Variants in ITFG2 observed in about 807,000 individuals in gnomAD.
The protein encoded by ITFG2 is KICSTOR complex protein ITFG2.
ITFG2 carries 36 observed loss-of-function variants against 54.4 expected under a neutral mutation model. The ratio of observed to expected loss-of-function variants is 0.66; its 90% CI spans 0.51 to 0.87. The LOEUF is 0.87. ITFG2 is among the 40% of genes least tolerant of loss of function. ITFG2 has a pLI of 0.00. For synonymous variants in ITFG2, 211 were observed against 225.4 expected, an observed-to-expected ratio of 0.94 and a Z score of 0.57; for missense variants, 524 against 576.7, an observed-to-expected ratio of 0.91 and a Z score of 0.94.
chr12:2,812,778 C>A lies in ITFG2; in HGVS notation c.18C>A (p.Tyr6Ter). 1 of 1,611,484 alleles carries A rather than the reference C, an allele frequency of 6.2e-7. No individual in the cohort carries two copies. The highest frequency in any genetic ancestry group is 8.5e-7 in the Non-Finnish European group (1 of 1,177,764). Residue 6 changes from tyrosine (Y) to a stop codon, truncating the protein, a stop_gained, in exon 1 of 12, where the codon TAC becomes TAA. Transcript: ENST00000228799. LOFTEE classifies it high-confidence loss of function. MRSVS[Y>*]VQRVALEFSG... is the part of the protein sequence containing the mutation. ...GAGGTGCCATGAGGTCAGTTAGCTA[C>A]GTGCAGCGCGTGGCGCTGGAGTTCA...
At chr12:2,819,955 AG>A in intron 4 of ITFG2, 130 bp from the exon 5 acceptor site, 3 of 1,185,160 alleles carry the variant, frequency 2.5e-6, no homozygotes, top group Non-Finnish European at 3.4e-6. Flanking sequence ...GGGCGGGGGC[AG>A]ACTGAGGGTG....
downstream of ITFG2, chr12:2,827,204 C>T (rs1460401692): frequency 2.5e-6 from 4 of 1,614,080 alleles, no homozygotes; most frequent in Non-Finnish European, 3.4e-6. This position sits in a 1 kb window ranked among gnomAD's most constrained non-coding sequence, Gnocchi z 4.0. Context: ...ACTGAGACAG[C>T]AGTCACTGGC....
exon 4 of ITFG2, chr12:2,859,620 C>T (rs763608696): frequency 7.9e-5 from 127 of 1,612,280 alleles, no homozygotes; most frequent in Admixed American, 1.3e-4. Flanking sequence ...TTTCCCTGGT[C>T]CTGCAGAAGA....
chr12:2,851,117 C>T (rs1270098180), intron 2 of ITFG2, among the ~76,000 whole-genome samples: 3 of 149,696 alleles, frequency 2.0e-5, no homozygotes, highest in Non-Finnish European at 4.4e-5. Context: ...GTGCCGAGAT[C>T]ATACCATTGC....
intron 9 of ITFG2, 126 bp downstream of exon 9, chr12:2,821,918 T>C: frequency 2.7e-6 from 1 of 375,288 alleles, no homozygotes; most frequent in Non-Finnish European, 4.6e-6. Context: ...TCTCTGTCTC[T>C]TTTTTTTTTT....
At chr12:2,822,618 C>G (rs1374068307) in intron 9 of ITFG2, among the ~76,000 whole-genome samples, 176 bp from the exon 10 acceptor site, 1 of 152,094 alleles carries the variant, frequency 6.6e-6, no homozygotes, top group Non-Finnish European at 1.5e-5. Flanking sequence ...CTGAGGTTTC[C>G]TCAGTATAAA....
exon 4 of ITFG2, chr12:2,859,558 T>C: frequency 6.2e-7 from 1 of 1,614,058 alleles, no homozygotes; most frequent in Non-Finnish European, 8.5e-7. Context: ...TCCTTGATAG[T>C]CTGAACTGGA....
At position 2,821,676 on chromosome 12, in the gene ITFG2, G is replaced by C; in HGVS notation, c.848-16G>C. ...GGCCTATCCCACCCACACTCAGCCT[G>C]CCTCTCCCCCGGCAGGGACACTGAA... On this transcript the variant is annotated splice_polypyrimidine_tract_variant and intron_variant, in intron 8 of 11. Transcript: ENST00000228799. 6.2e-7 allele frequency: 1 copy of C among 1,613,956 alleles called. No homozygotes were observed. The highest frequency in any genetic ancestry group is 8.5e-7 in the Non-Finnish European group (1 of 1,179,860).
chr12:2,834,742 T>C (rs778414140), upstream of ITFG2: 29 of 1,614,014 alleles, frequency 1.8e-5, no homozygotes, highest in Non-Finnish European at 2.5e-5. Context: ...CCGGCGCTGC[T>C]GGCTCAGGTG....
At chr12:2,828,775 G>A (rs945252448), downstream of ITFG2, among the ~76,000 whole-genome samples, 1 of 152,190 alleles carries the variant, frequency 6.6e-6, no homozygotes, top group Non-Finnish European at 1.5e-5. Context: ...CCGAGAGGCG[G>A]AGGTTGTGGT....
At chr12:2,828,006 G>A (rs562556400), downstream of ITFG2, 11 of 1,614,194 alleles carry the variant, frequency 6.8e-6, no homozygotes, top group Non-Finnish European at 9.3e-6. Context: ...GGGCCCAGGG[G>A]CCAGGTCCCC....
At chr12:2,834,864 G>T (rs760370867), upstream of ITFG2, 2 of 1,613,802 alleles carry the variant, frequency 1.2e-6, no homozygotes, top group Non-Finnish European at 1.7e-6. Context: ...GCCAGGGGCT[G>T]CTCGGTGGGG....
At chr12:2,850,444 C>T (rs2098066312) in intron 2 of ITFG2, among the ~76,000 whole-genome samples, 1 of 144,148 alleles carries the variant, frequency 6.9e-6, no homozygotes, top group Admixed American at 7.1e-5. Flanking sequence ...TGCCACTGCA[C>T]TCCAGCCTGG....
rs897063632 is a variant in ITFG2 at position 2,821,267 on chromosome 12, C to A, written c.701C>A (p.Thr234Asn). Residue 234 changes from threonine (T) to asparagine (N), a missense_variant, in exon 7 of 12, where the codon ACC becomes AAC. Coordinates refer to ENST00000228799, the MANE Select transcript of ITFG2 (RefSeq NM_018463.4). ...CGTCCACCTGCTGTGCACAGGGAGA[C>A]CCCAGCTGCCCGAGACGTGGTGCTG... is the stretch of plus-strand genomic sequence containing the variant. Reference protein sequence around the residue: ...SEGPTDGSRETPAARDVVLHQ... With the variant: ...SEGPTDGSRENPAARDVVLHQ... 2 of 1,605,610 alleles carry A rather than the reference C, an allele frequency of 1.2e-6. No homozygotes were observed.
At chr12:2,842,167 G>T (rs1481204957) in intron 2 of ITFG2, among the ~76,000 whole-genome samples, 1 of 129,216 alleles carries the variant, frequency 7.7e-6, no homozygotes, top group Non-Finnish European at 1.6e-5. Flanking sequence ...TGTTGCCCAG[G>T]CTGGAGTGCT....
exon 3 of ITFG2, chr12:2,830,835 C>T (rs1456072196): frequency 5.0e-6 from 8 of 1,613,406 alleles, no homozygotes; most frequent in East Asian, 2.2e-5. Flanking sequence ...CTCCACCAGG[C>T]GTCTTTGGAT....
intron 2 of ITFG2, among the ~76,000 whole-genome samples, chr12:2,853,745 G>C (rs1005669423): frequency 2.6e-4 from 40 of 152,104 alleles, no homozygotes; most frequent in African/African-American, 8.9e-4. Flanking sequence ...CATGCGTAGT[G>C]CCTGGGCTGG....
rs2097944499 is a variant in ITFG2, at chr12:2,821,528, C to G, written c.794-15C>G. On this transcript the variant is annotated splice_polypyrimidine_tract_variant and intron_variant, in intron 7 of 11. Transcript: ENST00000228799. ...TTGCCCTGCCCTTTACATATTCTTC[C>G]TCTGGTCCTCACAGGCCACGGCACT... The G allele has an allele frequency of 6.2e-7, 1 of 1,613,916 alleles. No individual in the cohort carries two copies. Among genetic ancestry groups the G allele is most frequent in the Non-Finnish European group, 8.5e-7 (1 of 1,179,940 alleles).
intron 7 of ITFG2, 61 bp downstream of exon 7, chr12:2,821,420 G>A (rs2097944021): frequency 3.2e-6 from 5 of 1,549,086 alleles, no homozygotes; most frequent in Admixed American, 3.5e-5. Context: ...CTGGAGGAGT[G>A]GAGATCCATA....
Sources: gnomAD v4.1 joint callset for allele counts (sites outside exome capture counted in the v4.1 genomes callset) on GRCh38, gnomAD v4.1.1 for gene constraint, Gnocchi (gnomAD v3.1) non-coding constraint, MANE v1.5 for transcripts, NCBI Gene and HGNC (gene_info 2026-07-23, HGNC 2026-07-21) for gene names.